RABGAP1L: variants seen among roughly 807,000 people sequenced by gnomAD.
RABGAP1L encodes RAB GTPase activating protein 1 like, also known as rab GTPase-activating protein 1-like.
In RABGAP1L, 63 loss-of-function variants were observed where a neutral mutation model predicts 137.7. The ratio of observed to expected loss-of-function variants is 0.46; its 90% CI spans 0.37 to 0.56. RABGAP1L has a LOEUF of 0.56. Ranked by LOEUF, RABGAP1L falls within the 20% of genes least tolerant of loss-of-function variation. The pLI, the probability that RABGAP1L is intolerant of heterozygous loss-of-function variation, is 0.00. For synonymous variants in RABGAP1L, 431 were observed against 433.7 expected (o/e 0.99, Z 0.08); for missense variants, 1,095 against 1,244.0 (o/e 0.88, Z 1.80).
chr1:174,890,920 C>T (rs1573688803), intron 19 of RABGAP1L, among the ~76,000 whole-genome samples: 2 of 152,238 alleles, frequency 1.3e-5, no homozygotes, highest in East Asian at 3.9e-4. Flanking sequence ...ATATTTTGCT[C>T]CTACAATACT....
At position 174,167,536 on chromosome 1, in the gene RABGAP1L, C is replaced by T. The variant is rs540610655; in HGVS notation, c.-34+7879C>T. Among the ~76,000 whole-genome samples, 43 of 152,270 alleles carry T rather than the reference C, an allele frequency of 2.8e-4. 1 individual carries two copies. Among genetic ancestry groups the T allele is most frequent in the Non-Finnish European group, 1.5e-5 (1 of 68,018 alleles). ...AGTATTCACAAATATGAAAGTAATGCAAACCCAAAGGGAGTTTTTGTATGC... is the reference window on the plus strand; with the variant it reads ...AGTATTCACAAATATGAAAGTAATGTAAACCCAAAGGGAGTTTTTGTATGC... On this transcript the variant is annotated intron_variant, in intron 1 of 25. Transcript: ENST00000681986.
chr1:174,785,029 A>G (rs1266097734), intron 18 of RABGAP1L, among the ~76,000 whole-genome samples: 2 of 152,194 alleles, frequency 1.3e-5, no homozygotes, highest in African/African-American at 2.4e-5. Flanking sequence ...TCACAATACA[A>G]TATTTCCATA....
chr1:174,349,332 A>C (rs1682807714), intron 11 of RABGAP1L, among the ~76,000 whole-genome samples: 1 of 108,130 alleles, frequency 9.2e-6, no homozygotes, highest in Non-Finnish European at 1.8e-5. Flanking sequence ...CACCTCCCGG[A>C]TGGGGCCACT....
chr1:174,976,492 T>G (rs1197078797), intron 22 of RABGAP1L, among the ~76,000 whole-genome samples: 1 of 152,210 alleles, frequency 6.6e-6, no homozygotes, highest in Non-Finnish European at 1.5e-5. Flanking sequence ...TCCAAGAGCT[T>G]TGACAAATCT....
intron 19 of RABGAP1L, among the ~76,000 whole-genome samples, chr1:174,834,491 C>T (rs72717626): frequency 7.6e-4 from 115 of 151,668 alleles, no homozygotes; most frequent in Non-Finnish European, 1.4e-3. Flanking sequence ...GCCAATCCCT[C>T]GTGGCCAAAA....
intron 1 of RABGAP1L, among the ~76,000 whole-genome samples, chr1:174,162,623 G>A (rs1412431687): frequency 6.6e-6 from 1 of 152,004 alleles, no homozygotes; most frequent in Admixed American, 6.6e-5. Context: ...GGGATTCCCA[G>A]GCACAGAGCT....
intron 19 of RABGAP1L, among the ~76,000 whole-genome samples, chr1:174,955,315 A>G (rs1668352161): frequency 6.6e-6 from 1 of 152,212 alleles, no homozygotes; most frequent in Admixed American, 6.5e-5. Flanking sequence ...ATCATCTATC[A>G]GGTTTGGACT....
At chr1:174,883,581 G>C (rs1162686212) in intron 19 of RABGAP1L, among the ~76,000 whole-genome samples, 2 of 152,078 alleles carry the variant, frequency 1.3e-5, no homozygotes, top group African/African-American at 4.8e-5. Flanking sequence ...AGCTCAGAAG[G>C]GTGGGAAGGC....
chr1:174,386,936 C>T (rs1305985180), intron 12 of RABGAP1L, among the ~76,000 whole-genome samples: 2 of 152,020 alleles, frequency 1.3e-5, no homozygotes, highest in African/African-American at 4.8e-5. Flanking sequence ...ATGAGAATGG[C>T]AGTATGGTGG....
At chr1:174,220,921 G>C (rs1438504976) in intron 2 of RABGAP1L, 51 bp from the exon 3 acceptor site, 1 of 1,379,106 alleles carries the variant, frequency 7.3e-7, no homozygotes, top group Non-Finnish European at 9.6e-7. Context: ...ATAAAATTTA[G>C]CTTCAGAACT....
rs75841462 is a variant in RABGAP1L at position 174,724,841 on chromosome 1, G to T, written c.2169+22585G>T. Among the ~76,000 whole-genome samples, 125 of 152,310 alleles carry T rather than the reference G, an allele frequency of 8.2e-4. 2 individuals are homozygous for T. In the East Asian group the frequency reaches 0.023, roughly 28 times the overall value. ...AATCTATTTTAGATTAGGGTTTCAA[G>T]AATGGTCTCTCTGAGTAAGTGACAT... On this transcript the variant is annotated intron_variant, in intron 17 of 25. Coordinates refer to ENST00000681986, the MANE Select transcript of RABGAP1L (RefSeq NM_001366446.1).
At chr1:174,383,655 C>A (rs1006766849) in intron 12 of RABGAP1L, among the ~76,000 whole-genome samples, 1 of 152,142 alleles carries the variant, frequency 6.6e-6, no homozygotes, top group African/African-American at 2.4e-5. Context: ...GGCTCGCGCA[C>A]GGTGCGCGCA....
At chr1:174,651,945 A>G (rs1030817905) in intron 14 of RABGAP1L, among the ~76,000 whole-genome samples, 1 of 151,996 alleles carries the variant, frequency 6.6e-6, no homozygotes, top group African/African-American at 2.4e-5. Flanking sequence ...GGTCTTTACA[A>G]TTTGGCATGG....
intron 17 of RABGAP1L, among the ~76,000 whole-genome samples, chr1:174,719,323 A>G (rs1268372866): frequency 1.3e-5 from 2 of 152,206 alleles, no homozygotes; most frequent in Non-Finnish European, 2.9e-5. Flanking sequence ...AACCTGAATT[A>G]CATGTTACGT....
intron 12 of RABGAP1L, among the ~76,000 whole-genome samples, chr1:174,393,484 C>T (rs971737597): frequency 6.6e-6 from 1 of 152,126 alleles, no homozygotes; most frequent in Non-Finnish European, 1.5e-5. Context: ...CTTATGCCTC[C>T]TATACTGTGG....
intron 19 of RABGAP1L, among the ~76,000 whole-genome samples, chr1:174,888,861 T>G (rs1255950443): frequency 6.6e-6 from 1 of 152,168 alleles, no homozygotes; most frequent in Admixed American, 6.5e-5. Flanking sequence ...TTATACACAC[T>G]CTGTACATAT....
intron 13 of RABGAP1L, among the ~76,000 whole-genome samples, chr1:174,561,161 C>T (rs968886402): frequency 6.6e-6 from 1 of 152,168 alleles, no homozygotes; most frequent in Non-Finnish European, 1.5e-5. Flanking sequence ...TAAGCAACTT[C>T]AGCAAAGTCT....
Position 174,702,149 on chromosome 1 carries a change from C to A in RABGAP1L, c.2062C>A (p.Leu688Met), listed in dbSNP as rs745628502. The A allele has an allele frequency of 6.2e-7, 1 of 1,611,838 alleles. No individual in the cohort carries two copies. Residue 688 changes from leucine (L) to methionine (M), a missense_variant, in exon 17 of 26, where the codon CTG (leucine) becomes ATG (methionine). By Grantham distance (15) the Leu-to-Met change is conservative (BLOSUM62 2). This residue lies in a region of RABGAP1L where 312 missense variants were observed against 435.6 expected (regional missense o/e 0.72). Transcript: ENST00000681986. ...GGACCTGCATAGCCATTTTTCTGAT[C>A]TGAACCTGGAAGCTCATATGTATGC... is the stretch of plus-strand genomic sequence containing the variant. ...LPDLHSHFSD[L>M]NLEAHMYASQ... is the part of the protein sequence containing the mutation.
At chr1:174,842,745 C>G (rs1025368780) in intron 19 of RABGAP1L, among the ~76,000 whole-genome samples, 28 of 152,126 alleles carry the variant, frequency 1.8e-4, no homozygotes, top group African/African-American at 6.3e-4. Context: ...TTTCTCAGGT[C>G]CCTTTCAGTG....
Sources: allele counts gnomAD v4.1 joint callset (sites outside exome capture counted in the v4.1 genomes callset), GRCh38; gene constraint gnomAD v4.1.1; regional missense constraint gnomAD v4.1.1; transcripts MANE v1.5; gene names NCBI Gene and HGNC (gene_info 2026-07-23, HGNC 2026-07-21).